The following CSTPP1 variants were observed in gnomAD, a reference collection of about 807,000 sequenced individuals.
CSTPP1 encodes centriolar satellite-associated tubulin polyglutamylase complex regulator 1, also known as UPF0705 protein C11orf49.
the CSTPP1 span, among the ~76,000 whole-genome samples, chr11:47,130,262 A>C: frequency 6.6e-6 from 1 of 152,004 alleles, no homozygotes; most frequent in African/African-American, 2.4e-5. Flanking sequence ...TCTCAAAAAA[A>C]AAAAAACCAA....
the CSTPP1 span, among the ~76,000 whole-genome samples, chr11:47,163,430 G>A: frequency 6.6e-6 from 1 of 152,100 alleles, no homozygotes; most frequent in East Asian, 1.9e-4. Flanking sequence ...CAGCCCCCTG[G>A]CTCCCTCTGC....
At chr11:47,011,630 A>G in the CSTPP1 span, among the ~76,000 whole-genome samples, 1 of 152,140 alleles carries the variant, frequency 6.6e-6, no homozygotes, top group South Asian at 2.1e-4. Flanking sequence ...TCCTTATCAC[A>G]CTTCACTTTT....
the CSTPP1 span, among the ~76,000 whole-genome samples, chr11:47,119,602 CTTTTTTTTTT>C: frequency 3.4e-3 from 212 of 61,926 alleles, no homozygotes; most frequent in African/African-American, 0.016. Context: ...CTGCCCACTT[CTTTTTTTTTT>C]TTTTTTTTTT....
the CSTPP1 span, chr11:47,155,132 C>A: frequency 6.8e-7 from 1 of 1,462,710 alleles, no homozygotes; most frequent in Non-Finnish European, 9.6e-7. Flanking sequence ...CCTCCTTAAA[C>A]CTCTCCCCCA....
chr11:46,981,497 A>T, the CSTPP1 span, among the ~76,000 whole-genome samples: 4 of 152,150 alleles, frequency 2.6e-5, no homozygotes, highest in Non-Finnish European at 5.9e-5. Context: ...TTTAAAGATC[A>T]TACCAGTACT....
the CSTPP1 span, among the ~76,000 whole-genome samples, chr11:46,947,467 A>T: frequency 6.6e-6 from 1 of 152,212 alleles, no homozygotes; most frequent in Non-Finnish European, 1.5e-5. Context: ...CCCACTAGCT[A>T]TGTTTTTTCT....
chr11:47,062,603 A>G, the CSTPP1 span, among the ~76,000 whole-genome samples: 1 of 152,220 alleles, frequency 6.6e-6, no homozygotes, highest in African/African-American at 2.4e-5. Context: ...GTATTCCAAA[A>G]TAAGGATTTG....
At chr11:47,156,930 G>C in the CSTPP1 span, 1 of 1,352,316 alleles carries the variant, frequency 7.4e-7, no homozygotes, top group Non-Finnish European at 1.0e-6. Flanking sequence ...TGTGGAACTG[G>C]GCTGACAGAG....
chr11:47,075,348 G>A, the CSTPP1 span, among the ~76,000 whole-genome samples: 2 of 151,962 alleles, frequency 1.3e-5, no homozygotes, highest in Non-Finnish European at 2.9e-5. Context: ...TTCAGCTTGG[G>A]CAACAGTGCA....
chr11:47,145,662 T>G, the CSTPP1 span, among the ~76,000 whole-genome samples: 1 of 152,104 alleles, frequency 6.6e-6, no homozygotes, highest in Non-Finnish European at 1.5e-5. Flanking sequence ...AATGAGGTCT[T>G]GTTCTGTCAC....
At chr11:47,149,537 G>T in the CSTPP1 span, among the ~76,000 whole-genome samples, 4 of 152,314 alleles carry the variant, frequency 2.6e-5, no homozygotes, top group South Asian at 8.3e-4. Context: ...AGGCAAAGAG[G>T]CAAAGACAGA....
At chr11:46,974,896 ACACACAC>A in the CSTPP1 span, among the ~76,000 whole-genome samples, 2 of 107,254 alleles carry the variant, frequency 1.9e-5, no homozygotes, top group Non-Finnish European at 4.1e-5. Context: ...ACACACACAC[ACACACAC>A]AATACTCCAA....
the CSTPP1 span, chr11:47,137,169 T>C: frequency 1.2e-6 from 1 of 818,326 alleles, no homozygotes; most frequent in African/African-American, 1.8e-5. Context: ...TTCTATGCTG[T>C]ACTCTTCTCC....
the CSTPP1 span, among the ~76,000 whole-genome samples, chr11:47,086,239 A>C: frequency 7.4e-3 from 1,007 of 135,806 alleles, 36 homozygotes; most frequent in African/African-American, 0.027. Context: ...AAATCCAAAA[A>C]AAAAAAAAAA....
the CSTPP1 span, among the ~76,000 whole-genome samples, chr11:46,971,234 T>A: frequency 6.6e-6 from 1 of 152,238 alleles, no homozygotes; most frequent in East Asian, 1.9e-4. Flanking sequence ...TTAAAAATTT[T>A]AAACTATATA....
chr11:47,115,928 C>A, the CSTPP1 span, among the ~76,000 whole-genome samples: 1 of 152,162 alleles, frequency 6.6e-6, no homozygotes, highest in Admixed American at 6.5e-5. Context: ...GATTTTAGAT[C>A]TTTCCTGCTT....
chr11:46,954,233 T>G, the CSTPP1 span, among the ~76,000 whole-genome samples: 5 of 152,142 alleles, frequency 3.3e-5, no homozygotes, highest in African/African-American at 1.2e-4. Flanking sequence ...GAAAACATGA[T>G]GTCACAAATA....
At chr11:46,982,940 G>A in the CSTPP1 span, among the ~76,000 whole-genome samples, 1 of 152,076 alleles carries the variant, frequency 6.6e-6, no homozygotes, top group Non-Finnish European at 1.5e-5. Context: ...TTATAGAAAA[G>A]GGCAGAGAGA....
At chr11:46,984,015 A>T in the CSTPP1 span, among the ~76,000 whole-genome samples, 3 of 152,194 alleles carry the variant, frequency 2.0e-5, no homozygotes, top group Non-Finnish European at 4.4e-5. Context: ...TTCTAACTTC[A>T]CACAAATGCT....
Sources: gnomAD v4.1 joint callset for allele counts (sites outside exome capture counted in the v4.1 genomes callset) on GRCh38, gnomAD v4.1.1 for gene constraint, MANE v1.5 for transcripts, NCBI Gene and HGNC (gene_info 2026-07-23, HGNC 2026-07-21) for gene names.